The following CALML4 variants were observed in gnomAD, a reference collection of about 807,000 sequenced individuals.
CALML4 encodes the protein calmodulin-like protein 4.
CALML4 carries 16 observed loss-of-function variants against 17.9 expected under a neutral mutation model. The observed-to-expected ratio is 0.89, with a 90% CI of 0.61 to 1.36. CALML4 has a LOEUF of 1.36. Ranked by LOEUF, CALML4 falls within the 40% of genes most tolerant of loss-of-function variation. CALML4 has a pLI of 0.00. For missense variants in CALML4, 203 were observed against 194.8 expected (o/e 1.04, Z -0.25); for synonymous variants, 86 against 71.5 (o/e 1.20, Z -1.02).
In CALML4 at chr15:68,205,059, C is replaced by A. The variant is rs2093177655; in HGVS notation, c.34+62G>T. 1 of 1,582,806 alleles carries A rather than the reference C, an allele frequency of 6.3e-7. No individual in the cohort carries two copies. Among genetic ancestry groups the A allele is most frequent in the Admixed American group, 1.7e-5 (1 of 59,900 alleles). On this transcript the variant is annotated intron_variant, in intron 2 of 4. Transcript: ENST00000467889. This position sits in a 1 kb window ranked among gnomAD's most constrained non-coding sequence, Gnocchi z 4.8. ...TCCCACCAAGAAAACATGAGCAGAGCAAATTGCCTAATGAGACCCATATTT... is the reference window on the plus strand; with the variant it reads ...TCCCACCAAGAAAACATGAGCAGAGAAAATTGCCTAATGAGACCCATATTT...
intron 4 of CALML4, among the ~76,000 whole-genome samples, chr15:68,194,901 T>C (rs984606236): frequency 2.7e-5 from 4 of 150,074 alleles, no homozygotes; most frequent in Admixed American, 1.3e-4. Context: ...AGAGAGGACT[T>C]AGTGACAAGC....
chr15:68,194,510 A>C (rs1462922189), intron 4 of CALML4, among the ~76,000 whole-genome samples: 1 of 151,670 alleles, frequency 6.6e-6, no homozygotes, highest in African/African-American at 2.4e-5. Flanking sequence ...CAGGCTCCTG[A>C]GTAGCTGAGC....
intron 4 of CALML4, among the ~76,000 whole-genome samples, chr15:68,194,978 A>G (rs2093137546): frequency 6.6e-6 from 1 of 152,066 alleles, no homozygotes; most frequent in African/African-American, 2.4e-5. Context: ...ATATGAGAGA[A>G]AAATAAATCC....
intron 4 of CALML4, among the ~76,000 whole-genome samples, chr15:68,194,774 G>A (rs889295196): frequency 9.9e-5 from 15 of 151,888 alleles, no homozygotes; most frequent in Middle Eastern, 6.8e-3. Context: ...TTTACCTTCC[G>A]CAGCTCAGCC....
In CALML4 at chr15:68,204,323, G is replaced by A. The variant is rs954329020; in HGVS notation, c.34+798C>T. Among the ~76,000 whole-genome samples the A allele has an allele frequency of 6.6e-6, 1 of 152,156 alleles. No individual in the cohort carries two copies. The highest frequency in any genetic ancestry group is 2.4e-5 in the African/African-American group (1 of 41,430). On this transcript the variant is annotated intron_variant, in intron 2 of 4. Transcript: ENST00000467889. The surrounding 1 kb of genome is among the most constrained non-coding windows in gnomAD (Gnocchi z 6.0). ...TCAGCGAAGGACTCACTGAGAAGGC[G>A]ATGTTTCAGCAAAGACCTGGAGGAA...
In CALML4 at chr15:68,205,303, C is replaced by G; in HGVS notation, c.-56G>C. 6.2e-7 allele frequency: 1 copy of G among 1,614,170 alleles called. No individual in the cohort carries two copies. Among genetic ancestry groups the G allele is most frequent in the Non-Finnish European group, 8.5e-7 (1 of 1,180,042 alleles). Reference sequence around the variant, plus strand: ...GCTGCTCCCAGAACCGCGTTCAGTTCCCTTTCCTCCAGCCTCAAGTCTAAA... The same window carrying G: ...GCTGCTCCCAGAACCGCGTTCAGTTGCCTTTCCTCCAGCCTCAAGTCTAAA... On this transcript the variant is annotated 5_prime_UTR_variant, in exon 1 of 5. Transcript: ENST00000467889. The surrounding 1 kb of genome is among the most constrained non-coding windows in gnomAD (Gnocchi z 4.8).
Position 68,194,384 on chromosome 15 carries a change from CTTTTTTTTT to C in CALML4, c.365-281_365-273del, listed in dbSNP as rs56240648. ...ATTCGGTCACTGATGCCACCGTGTG[CTTTTTTTTT>C]TTTTTTTTTAAAACAGTTTCGCTCT... On this transcript the variant is annotated intron_variant, in intron 4 of 4. Transcript: ENST00000467889. Among the ~76,000 whole-genome samples the C allele has an allele frequency of 7.8e-4, 110 of 141,064 alleles. 1 individual carries two copies. The highest frequency in any genetic ancestry group is 4.6e-4 in the Non-Finnish European group (30 of 65,334). 92.5% of individuals were successfully genotyped at this position (141,064 alleles called of 152,430 possible). A position where few individuals can be genotyped will look rare whatever the true frequency, so the allele number is the denominator to read the frequency against.
Position 68,197,699 on chromosome 15 carries a change from C to T in CALML4, c.176-71G>A. On this transcript the variant is annotated intron_variant, in intron 3 of 4. Transcript: ENST00000467889. The surrounding 1 kb of genome is among the most constrained non-coding windows in gnomAD (Gnocchi z 4.1). ...TCCTAGGAAGCCAGCTGGCCTCCTGCTGGACCTGCACAGCCGGTTCAAGGT... is the reference window on the plus strand; with the variant it reads ...TCCTAGGAAGCCAGCTGGCCTCCTGTTGGACCTGCACAGCCGGTTCAAGGT... 1 of 1,427,854 alleles carries T rather than the reference C, an allele frequency of 7.0e-7. No individual in the cohort carries two copies. The highest frequency in any genetic ancestry group is 9.7e-7 in the Non-Finnish European group (1 of 1,032,332). 88.4% of individuals were successfully genotyped at this position (1,427,854 alleles called of 1,614,324 possible).
chr15:68,205,409 T>G (rs2093179930), upstream of CALML4: 1 of 1,612,424 alleles, frequency 6.2e-7, no homozygotes, highest in African/African-American at 1.3e-5. The surrounding 1 kb of genome is among the most constrained non-coding windows in gnomAD (Gnocchi z 4.8). Flanking sequence ...AGGGTCAGAT[T>G]CCAGCTTCCT....
rs755143509 is a variant in CALML4 at position 68,205,166 on chromosome 15, G to C, written c.4-15C>G. 6 of 1,614,164 alleles carry C rather than the reference G, an allele frequency of 3.7e-6. No individual in the cohort carries two copies. The South Asian group carries it at 4.4e-5, about 12-fold the overall frequency. ...AGAAACTTGGCCTGCAGCAGAGAAAGGAAAACAGTCAGGGGAGGGCTCCAC... is the reference window on the plus strand; with the variant it reads ...AGAAACTTGGCCTGCAGCAGAGAAACGAAAACAGTCAGGGGAGGGCTCCAC... On this transcript the variant is annotated splice_polypyrimidine_tract_variant and intron_variant, in intron 1 of 4. Transcript: ENST00000467889. This position sits in a 1 kb window ranked among gnomAD's most constrained non-coding sequence, Gnocchi z 4.8.
rs369799234 is a variant in CALML4 at position 68,194,363 on chromosome 15, G to A, written c.365-251C>T. On this transcript the variant is annotated intron_variant, in intron 4 of 4. Coordinates refer to ENST00000467889, the MANE Select transcript of CALML4 (RefSeq NM_033429.3). ...TAGGGAGGTGTACTGGTAAGGATTC[G>A]GTCACTGATGCCACCGTGTGCTTTT... is the stretch of plus-strand genomic sequence containing the variant. 1.4e-3 allele frequency among the ~76,000 whole-genome samples: 216 copies of A among 151,160 alleles called. 1 individual carries two copies. The highest frequency in any genetic ancestry group is 4.7e-3 in the African/African-American group (195 of 41,162).
Position 68,197,682 on chromosome 15 carries a change from A to AGCCAGCAGGAG in CALML4, c.176-55_176-54insCTCCTGCTGGC. ...AGCAGAGGGAAAAAGACTCCTAGGA[A>AGCCAGCAGGAG]GCCAGCTGGCCTCCTGCTGGACCTG... On this transcript the variant is annotated intron_variant, in intron 3 of 4. Coordinates refer to ENST00000467889, the MANE Select transcript of CALML4 (RefSeq NM_033429.3). The surrounding 1 kb of genome is among the most constrained non-coding windows in gnomAD (Gnocchi z 4.1). 1 of 1,550,290 alleles carries AGCCAGCAGGAG rather than the reference A, an allele frequency of 6.5e-7. No homozygotes were observed. The highest frequency in any genetic ancestry group is 8.8e-7 in the Non-Finnish European group (1 of 1,135,416).
upstream of CALML4, chr15:68,205,383 T>C (rs2141132655): frequency 6.2e-7 from 1 of 1,613,594 alleles, no homozygotes; most frequent in Non-Finnish European, 8.5e-7. The surrounding 1 kb of genome is among the most constrained non-coding windows in gnomAD (Gnocchi z 4.8). Flanking sequence ...CCATGGAGAC[T>C]GGGCCCGACG....
At position 68,191,182 on chromosome 15, in the gene CALML4, TTTAA is replaced by T. The variant is rs1444618380; in HGVS notation, c.*2829_*2832del. On this transcript the variant is annotated 3_prime_UTR_variant, in exon 5 of 5. Coordinates refer to ENST00000467889, the MANE Select transcript of CALML4 (RefSeq NM_033429.3). ...TCCCAGAGTGTGCTGCTGTTAATTGTTTAACAAAGGGGAAAATGTACATAAACAG... is the reference window on the plus strand; with the variant it reads ...TCCCAGAGTGTGCTGCTGTTAATTGTCAAAGGGGAAAATGTACATAAACAG... 6.6e-6 allele frequency: 1 copy of T among 152,594 alleles called. No homozygotes were observed. Among genetic ancestry groups the T allele is most frequent in the Non-Finnish European group, 1.5e-5 (1 of 68,020 alleles). The allele number at this position is 152,594 out of a possible 1,614,324, so 9.5% of individuals were successfully genotyped here. A position where few individuals can be genotyped will look rare whatever the true frequency, so the allele number is the denominator to read the frequency against.
Position 68,205,057 on chromosome 15 carries a change from A to T in CALML4, c.34+64T>A. ...CTTCCCACCAAGAAAACATGAGCAGAGCAAATTGCCTAATGAGACCCATAT... is the reference window on the plus strand; with the variant it reads ...CTTCCCACCAAGAAAACATGAGCAGTGCAAATTGCCTAATGAGACCCATAT... On this transcript the variant is annotated intron_variant, in intron 2 of 4. Coordinates refer to ENST00000467889, the MANE Select transcript of CALML4 (RefSeq NM_033429.3). The surrounding 1 kb of genome is among the most constrained non-coding windows in gnomAD (Gnocchi z 4.8). 10 of 1,578,888 alleles carry T rather than the reference A, an allele frequency of 6.3e-6. No homozygotes were observed. Among genetic ancestry groups the T allele is most frequent in the Non-Finnish European group, 8.7e-6 (10 of 1,148,444 alleles).
chr15:68,200,505 TC>T lies in CALML4; in HGVS notation c.35-825del, dbSNP rs2093162109. ...GGCCTGACACAGCCATCCCACGGGC[TC>T]CCGGCCCTGGGAGGCCCAGGAAGGC... On this transcript the variant is annotated intron_variant, in intron 2 of 4. Coordinates refer to ENST00000467889, the MANE Select transcript of CALML4 (RefSeq NM_033429.3). This position sits in a 1 kb window ranked among gnomAD's most constrained non-coding sequence, Gnocchi z 4.3. 6.6e-6 allele frequency among the ~76,000 whole-genome samples: 1 copy of T among 152,164 alleles called. No individual in the cohort carries two copies. Among genetic ancestry groups the T allele is most frequent in the Non-Finnish European group, 1.5e-5 (1 of 68,024 alleles).
intron 4 of CALML4, among the ~76,000 whole-genome samples, chr15:68,195,728 C>A (rs2093141584): frequency 6.6e-6 from 1 of 152,218 alleles, no homozygotes; most frequent in Non-Finnish European, 1.5e-5. Flanking sequence ...TGGTATCATT[C>A]TTCCCATCTC....
Position 68,192,633 on chromosome 15 carries a change from G to A in CALML4, c.*1382C>T, listed in dbSNP as rs1404315971. The A allele has an allele frequency of 1.3e-5, 2 of 152,196 alleles. No individual in the cohort carries two copies. Among genetic ancestry groups the A allele is most frequent in the Non-Finnish European group, 2.9e-5 (2 of 68,052 alleles). The allele number at this position is 152,196 out of a possible 1,614,324, so 9.4% of individuals were successfully genotyped here. A position where few individuals can be genotyped will look rare whatever the true frequency, so the allele number is the denominator to read the frequency against. ...GGGTCTGAAGCCACACAGCATCGTT[G>A]AGACAGTTGCACTAACACTACAACT... On this transcript the variant is annotated 3_prime_UTR_variant, in exon 5 of 5. Coordinates refer to ENST00000467889, the MANE Select transcript of CALML4 (RefSeq NM_033429.3).
intron 4 of CALML4, among the ~76,000 whole-genome samples, chr15:68,196,288 A>G (rs954819945): frequency 6.6e-6 from 1 of 152,208 alleles, no homozygotes; most frequent in African/African-American, 2.4e-5. Flanking sequence ...TAATGGCAGT[A>G]GCTAAAATCT....
Sources: allele counts gnomAD v4.1 joint callset (sites outside exome capture counted in the v4.1 genomes callset), GRCh38; gene constraint gnomAD v4.1.1; non-coding constraint Gnocchi (gnomAD v3.1); transcripts MANE v1.5; gene names NCBI Gene and HGNC (gene_info 2026-07-23, HGNC 2026-07-21).